SHC3: variants seen among roughly 807,000 people sequenced by gnomAD.
SHC3 encodes SHC adaptor protein 3.
A neutral mutation model predicts 60.4 loss-of-function variants in SHC3; 15 were observed. The ratio of observed to expected loss-of-function variants is 0.25; its 90% CI spans 0.17 to 0.38. The LOEUF is 0.38. Ranked by LOEUF, SHC3 falls within the 10% of genes least tolerant of loss-of-function variation. The pLI is 1.00. For missense variants in SHC3, 677 were observed against 786.1 expected (o/e 0.86, Z 1.66); for synonymous variants, 294 against 325.9 (o/e 0.90, Z 1.05).
At position 89,098,646 on chromosome 9, in the gene SHC3, T is replaced by TA. The variant is rs766088926; in HGVS notation, c.545+13909dup. ...TAACACGGTGAAACCCGGTCTCTAC[T>TA]AAAAATACAAAAAAATTAGCCGGGC... On this transcript the variant is annotated intron_variant, in intron 2 of 11. Transcript: ENST00000375835. Among the ~76,000 whole-genome samples the TA allele has an allele frequency of 2.6e-5, 4 of 152,180 alleles. No individual in the cohort carries two copies. In the South Asian group the frequency reaches 8.3e-4, roughly 32 times the overall value.
intron 2 of SHC3, chr9:89,109,967 C>T (rs2118106160): frequency 2.0e-6 from 2 of 985,422 alleles, no homozygotes; most frequent in South Asian, 9.4e-5. Flanking sequence ...ACCTATGCCT[C>T]ATTGTTTTAT....
intron 1 of SHC3, among the ~76,000 whole-genome samples, chr9:89,154,844 G>A (rs2039307): frequency 0.21 from 32,659 of 152,088 alleles, 4,103 homozygotes; most frequent in South Asian, 0.33. Flanking sequence ...CAATGCAATA[G>A]ACCACATCTG....
rs1826855251 is a variant in SHC3 at position 89,170,606 on chromosome 9, C to T, written c.474+7381G>A. ...GCTACAGTGAGCCATGATCAGGCCA[C>T]TGGATTCCAGTCTGGGCGACAGAGC... On this transcript the variant is annotated intron_variant, in intron 1 of 11. Transcript: ENST00000375835. Among the ~76,000 whole-genome samples, 3 of 152,304 alleles carry T rather than the reference C, an allele frequency of 2.0e-5. No individual in the cohort carries two copies. The South Asian group carries it at 6.2e-4, about 32-fold the overall frequency.
At chr9:89,108,764 G>T (rs986698549) in intron 2 of SHC3, among the ~76,000 whole-genome samples, 4 of 152,160 alleles carry the variant, frequency 2.6e-5, no homozygotes, top group African/African-American at 9.7e-5. Flanking sequence ...ACTCTTCAGA[G>T]TTACATCCCA....
In SHC3 at chr9:89,083,431, G is replaced by A. The variant is rs142679199; in HGVS notation, c.546-5528C>T. On this transcript the variant is annotated intron_variant, in intron 2 of 11. Coordinates refer to ENST00000375835, the MANE Select transcript of SHC3 (RefSeq NM_016848.6). ...GCTGGGGCCAGGTGTACAGAATCCC[G>A]GGATAAGGCAGAACCATGGAGGTTT... Among the ~76,000 whole-genome samples, 539 of 152,292 alleles carry A rather than the reference G, an allele frequency of 3.5e-3. 1 individual carries two copies. Among genetic ancestry groups the A allele is most frequent in the African/African-American group, 0.012 (507 of 41,544 alleles).
intron 2 of SHC3, chr9:89,109,735 C>T (rs1356697180): frequency 2.0e-6 from 2 of 985,408 alleles, no homozygotes; most frequent in African/African-American, 1.7e-5. Context: ...TCAGGCATCT[C>T]CAGGCTCCTG....
intron 11 of SHC3, among the ~76,000 whole-genome samples, chr9:89,029,109 C>T (rs1043491298): frequency 1.3e-5 from 2 of 151,122 alleles, no homozygotes; most frequent in Non-Finnish European, 3.0e-5. Flanking sequence ...AACATAATTT[C>T]AAAGAACTGG....
At chr9:89,167,207 T>A (rs1826802218) in intron 1 of SHC3, among the ~76,000 whole-genome samples, 1 of 152,010 alleles carries the variant, frequency 6.6e-6, no homozygotes, top group Admixed American at 6.6e-5. Context: ...TATTTGTGAG[T>A]CTTATTTTCT....
chr9:89,079,504 C>A (rs1448632464), intron 2 of SHC3, among the ~76,000 whole-genome samples: 1 of 152,038 alleles, frequency 6.6e-6, no homozygotes, highest in African/African-American at 2.4e-5. Flanking sequence ...TGATAAGCAC[C>A]GTATTTATTT....
At chr9:89,142,662 T>G (rs1587750523) in intron 1 of SHC3, among the ~76,000 whole-genome samples, 1 of 132,240 alleles carries the variant, frequency 7.6e-6, no homozygotes, top group Admixed American at 8.2e-5. Context: ...GGCGACAGAG[T>G]GAGACTCTGT....
At chr9:89,039,527 A>G (rs1458177460) in intron 10 of SHC3, among the ~76,000 whole-genome samples, 1 of 152,050 alleles carries the variant, frequency 6.6e-6, no homozygotes, top group Non-Finnish European at 1.5e-5. Flanking sequence ...CACCTTTGCT[A>G]TCATCTACAT....
chr9:89,075,813 A>G (rs1825349434), intron 3 of SHC3, among the ~76,000 whole-genome samples: 1 of 152,180 alleles, frequency 6.6e-6, no homozygotes, highest in Non-Finnish European at 1.5e-5. Context: ...ATAAGGATAG[A>G]TAGACATGGC....
At chr9:89,113,129 C>G (rs1329847995) in intron 1 of SHC3, among the ~76,000 whole-genome samples, 1 of 152,112 alleles carries the variant, frequency 6.6e-6, no homozygotes, top group Non-Finnish European at 1.5e-5. Flanking sequence ...ATTTTGGGTT[C>G]TATGAACTAT....
intron 2 of SHC3, among the ~76,000 whole-genome samples, chr9:89,085,889 A>G (rs1825521676): frequency 6.6e-6 from 1 of 152,208 alleles, no homozygotes; most frequent in African/African-American, 2.4e-5. Flanking sequence ...TCCTTCCTCA[A>G]TAAAATCCTC....
chr9:89,122,232 C>A (rs1311050522), intron 1 of SHC3, among the ~76,000 whole-genome samples: 2 of 152,192 alleles, frequency 1.3e-5, no homozygotes, highest in African/African-American at 4.8e-5. Context: ...CATAAATGTC[C>A]TCTTATCCTA....
At chr9:89,016,349 T>C (rs1421539087) in intron 11 of SHC3, among the ~76,000 whole-genome samples, 1 of 152,126 alleles carries the variant, frequency 6.6e-6, no homozygotes, top group South Asian at 2.1e-4. Flanking sequence ...TATGATAGGT[T>C]TATTGGGATG....
intron 5 of SHC3, among the ~76,000 whole-genome samples, chr9:89,068,867 A>G (rs1244169537): frequency 1.3e-5 from 2 of 152,226 alleles, no homozygotes; most frequent in Admixed American, 6.5e-5. Context: ...GCAAATATAC[A>G]AGACATCTGC....
intron 11 of SHC3, among the ~76,000 whole-genome samples, chr9:89,025,647 A>G (rs1826282960): frequency 6.6e-6 from 1 of 152,244 alleles, no homozygotes; most frequent in African/African-American, 2.4e-5. Context: ...GAATTCAGGC[A>G]CAACTGACCA....
chr9:89,112,520 G>A lies in SHC3; in HGVS notation c.545+36C>T, dbSNP rs533903268. The stretch of plus-strand genomic sequence containing the variant: ...AATCTCTGAGATCCTTCCTTCAGAA[G>A]TAAAATCACAGGAGTCCATTTTCAA... On this transcript the variant is annotated intron_variant, in intron 2 of 11. Coordinates refer to ENST00000375835, the MANE Select transcript of SHC3 (RefSeq NM_016848.6). 6 of 1,596,776 alleles carry A rather than the reference G, an allele frequency of 3.8e-6. No individual in the cohort carries two copies. The South Asian group carries it at 6.8e-5, about 18-fold the overall frequency.
Sources: gnomAD v4.1 joint callset for allele counts (sites outside exome capture counted in the v4.1 genomes callset) on GRCh38, gnomAD v4.1.1 for gene constraint, MANE v1.5 for transcripts, NCBI Gene and HGNC (gene_info 2026-07-23, HGNC 2026-07-21) for gene names.